Variants in SH3GL3 observed in about 807,000 individuals in gnomAD.
SH3GL3 encodes SH3 domain containing GRB2 like 3, endophilin A3.
A neutral mutation model predicts 47.7 loss-of-function variants in SH3GL3; 33 were observed. That is an observed-to-expected ratio of 0.69 (90% CI 0.52 to 0.92). The LOEUF (loss-of-function observed/expected upper bound fraction) is 0.92, where lower values mean the gene tolerates loss of function less well. Among genes scored for constraint, SH3GL3 ranks in the 40% least tolerant of loss-of-function variants. The pLI, the probability that SH3GL3 is intolerant of heterozygous loss-of-function variation, is 0.00. For missense variants in SH3GL3, 363 were observed against 417.8 expected, an observed-to-expected ratio of 0.87 and a Z score of 1.14; for synonymous variants, 155 against 148.8, an observed-to-expected ratio of 1.04 and a Z score of -0.30.
the SH3GL3 span, among the ~76,000 whole-genome samples, chr15:83,630,888 G>A: frequency 2.6e-5 from 4 of 151,984 alleles, no homozygotes; most frequent in African/African-American, 4.8e-5. Context: ...GTCCCCCAAA[G>A]TCTTAAGGCA....
chr15:83,459,511 T>A (rs910102668), intron 1 of SH3GL3, among the ~76,000 whole-genome samples: 3 of 152,228 alleles, frequency 2.0e-5, no homozygotes, highest in African/African-American at 7.2e-5. Context: ...AATTTAGCCC[T>A]GGTTTCAGGG....
chr15:83,478,196 C>T (rs111766296), intron 1 of SH3GL3, among the ~76,000 whole-genome samples: 101 of 152,184 alleles, frequency 6.6e-4, no homozygotes, highest in African/African-American at 1.9e-3. Flanking sequence ...GCTTAACCTA[C>T]GGGAGGGCAA....
At chr15:83,481,638 G>A (rs974414029) in intron 1 of SH3GL3, among the ~76,000 whole-genome samples, 3 of 152,210 alleles carry the variant, frequency 2.0e-5, no homozygotes, top group Non-Finnish European at 4.4e-5. Context: ...GAGCACAGTG[G>A]TGCATTATGA....
At chr15:83,543,435 T>G (rs142357462) in intron 1 of SH3GL3, among the ~76,000 whole-genome samples, 1 of 152,118 alleles carries the variant, frequency 6.6e-6, no homozygotes, top group African/African-American at 2.4e-5. Context: ...TGGCCCGTAG[T>G]TTTGTTGTTG....
intron 1 of SH3GL3, among the ~76,000 whole-genome samples, chr15:83,489,852 T>C (rs1159007666): frequency 9.5e-6 from 1 of 105,344 alleles, no homozygotes; most frequent in Non-Finnish European, 2.1e-5. Context: ...GATAGATAGA[T>C]AGATAGATAG....
chr15:83,532,235 A>G (rs1265155774), intron 1 of SH3GL3, among the ~76,000 whole-genome samples: 1 of 152,184 alleles, frequency 6.6e-6, no homozygotes, highest in Non-Finnish European at 1.5e-5. Flanking sequence ...AGGCAATTGG[A>G]TGTGAAAAAA....
At chr15:83,568,459 TTATTAAATTC>T in intron 3 of SH3GL3, 60 bp from the exon 4 acceptor site, 2 of 1,349,618 alleles carry the variant, frequency 1.5e-6, no homozygotes, top group Non-Finnish European at 1.0e-6. Flanking sequence ...GCAGCTGCGT[TTATTAAATTC>T]TATGTACCTG....
At chr15:83,492,847 T>G (rs1042869879) in intron 1 of SH3GL3, among the ~76,000 whole-genome samples, 4 of 152,196 alleles carry the variant, frequency 2.6e-5, no homozygotes, top group Non-Finnish European at 5.9e-5. Context: ...TCCCACTGTC[T>G]CACTTTCCGG....
At chr15:83,627,304 G>A in the SH3GL3 span, among the ~76,000 whole-genome samples, 6 of 151,774 alleles carry the variant, frequency 4.0e-5, no homozygotes, top group East Asian at 1.9e-4. Flanking sequence ...GGCTGAGGCC[G>A]GAGAATGGGT....
At chr15:83,492,525 T>C (rs2041918761) in intron 1 of SH3GL3, among the ~76,000 whole-genome samples, 1 of 152,090 alleles carries the variant, frequency 6.6e-6, no homozygotes, top group African/African-American at 2.4e-5. Context: ...TCTACCTCTA[T>C]AGCTTGCTGG....
At chr15:83,601,962 AC>A (rs2060395253) in intron 8 of SH3GL3, among the ~76,000 whole-genome samples, 3 of 151,666 alleles carry the variant, frequency 2.0e-5, no homozygotes, top group Admixed American at 1.3e-4. Context: ...AAAAAAAAAA[AC>A]AAAACATAAA....
intron 1 of SH3GL3, among the ~76,000 whole-genome samples, chr15:83,517,171 T>C (rs547395158): frequency 6.6e-5 from 10 of 151,850 alleles, no homozygotes; most frequent in Non-Finnish European, 1.2e-4. Context: ...TTGTTTTCCA[T>C]GTGACTTTCT....
intron 1 of SH3GL3, among the ~76,000 whole-genome samples, chr15:83,527,099 G>GT (rs1040467430): frequency 7.9e-5 from 12 of 152,214 alleles, no homozygotes; most frequent in African/African-American, 2.9e-4. Context: ...AGATCTTAGA[G>GT]TTTTTTGGTG....
intron 1 of SH3GL3, among the ~76,000 whole-genome samples, chr15:83,539,380 G>A (rs2044058408): frequency 6.6e-6 from 1 of 152,050 alleles, no homozygotes; most frequent in Non-Finnish European, 1.5e-5. Flanking sequence ...CTTTTATATG[G>A]TCACTAATTC....
chr15:83,620,373 T>C (rs1303695976), downstream of SH3GL3, among the ~76,000 whole-genome samples: 1 of 152,242 alleles, frequency 6.6e-6, no homozygotes, highest in South Asian at 2.1e-4. Context: ...TCACTAGTTA[T>C]GGTAGCTGTA....
chr15:83,563,336 C>G (rs1210947306), intron 2 of SH3GL3, among the ~76,000 whole-genome samples: 1 of 152,074 alleles, frequency 6.6e-6, no homozygotes, highest in Non-Finnish European at 1.5e-5. Context: ...ATAAAATGGC[C>G]TAACAAACAT....
intron 7 of SH3GL3, among the ~76,000 whole-genome samples, chr15:83,587,389 A>C (rs1331586140): frequency 1.3e-5 from 2 of 152,104 alleles, no homozygotes. Context: ...CCCACCTGGG[A>C]CATCAACCCC....
intron 8 of SH3GL3, among the ~76,000 whole-genome samples, chr15:83,600,703 ATTG>A (rs2060357655): frequency 6.6e-6 from 1 of 151,758 alleles, no homozygotes; most frequent in Non-Finnish European, 1.5e-5. Flanking sequence ...GAATTTTAGG[ATTG>A]TTTTTTCTAG....
chr15:83,491,191 T>A (rs2041859186), intron 1 of SH3GL3, among the ~76,000 whole-genome samples: 1 of 152,208 alleles, frequency 6.6e-6, no homozygotes, highest in Non-Finnish European at 1.5e-5. Flanking sequence ...TCAGTAAGTG[T>A]CTCTTGCATG....
Sources: allele counts gnomAD v4.1 joint callset (sites outside exome capture counted in the v4.1 genomes callset), GRCh38; gene constraint gnomAD v4.1.1; transcripts MANE v1.5; gene names NCBI Gene and HGNC (gene_info 2026-07-23, HGNC 2026-07-21).